The following TRIM2 variants were observed in gnomAD, a reference collection of about 807,000 sequenced individuals.
The protein encoded by TRIM2 is tripartite motif containing 2, also known as tripartite motif-containing protein 2.
TRIM2 carries 20 observed loss-of-function variants against 75.2 expected under a neutral mutation model. The observed-to-expected ratio is 0.27, with a 90% CI of 0.19 to 0.39. The LOEUF is 0.39. Ranked by LOEUF, TRIM2 falls within the 10% of genes least tolerant of loss-of-function variation. The pLI is 1.00. For missense variants in TRIM2, 660 were observed against 990.8 expected (o/e 0.67, Z 4.48); for synonymous variants, 373 against 388.3 (o/e 0.96, Z 0.46).
chr4:153,266,640 C>CTTTT (rs35140648), intron 1 of TRIM2, among the ~76,000 whole-genome samples: 4 of 131,276 alleles, frequency 3.0e-5, no homozygotes, highest in African/African-American at 8.9e-5. Flanking sequence ...TGTGCCCGAC[C>CTTTT]TTTTTTTTTT....
intron 3 of TRIM2, among the ~76,000 whole-genome samples, chr4:153,285,468 T>C (rs1020903704): frequency 6.6e-6 from 1 of 152,206 alleles, no homozygotes; most frequent in Non-Finnish European, 1.5e-5. Context: ...TTCCCAACTA[T>C]GTTATATTCT....
chr4:153,221,190 G>A (rs188992205), intron 1 of TRIM2, among the ~76,000 whole-genome samples: 2 of 152,276 alleles, frequency 1.3e-5, no homozygotes, highest in Admixed American at 6.5e-5. Context: ...CACATGCTAC[G>A]TGGATTCCTG....
intron 1 of TRIM2, among the ~76,000 whole-genome samples, chr4:153,244,501 T>C (rs1028371053): frequency 2.0e-5 from 3 of 146,422 alleles, no homozygotes; most frequent in Non-Finnish European, 1.5e-5. Context: ...GCTCAAGCAA[T>C]CCTCCTGCCT....
chr4:153,193,803 T>C (rs2149665027), intron 1 of TRIM2, among the ~76,000 whole-genome samples: 1 of 152,192 alleles, frequency 6.6e-6, no homozygotes, highest in Middle Eastern at 3.4e-3. Context: ...CACGGAGAGC[T>C]TTCTGGGCAA....
At position 153,336,985 on chromosome 4, in the gene TRIM2, A is replaced by G; in HGVS notation, c.*2019A>G. Reference sequence around the variant, plus strand: ...ATTTAAACATTCATATTTACTGAGTACCTACTAGGTACCAAGTACTCTTTT... The same window carrying G: ...ATTTAAACATTCATATTTACTGAGTGCCTACTAGGTACCAAGTACTCTTTT... On this transcript the variant is annotated 3_prime_UTR_variant, in exon 12 of 12. Coordinates refer to ENST00000338700, the MANE Select transcript of TRIM2 (RefSeq NM_015271.5). 2 of 982,132 alleles carry G rather than the reference A, an allele frequency of 2.0e-6. No individual in the cohort carries two copies. The highest frequency in any genetic ancestry group is 2.4e-6 in the Non-Finnish European group (2 of 826,968). The allele number at this position is 982,132 out of a possible 1,614,324, so 60.8% of individuals were successfully genotyped here.
intron 1 of TRIM2, among the ~76,000 whole-genome samples, chr4:153,219,849 C>G (rs1456213218): frequency 6.6e-6 from 1 of 152,056 alleles, no homozygotes; most frequent in East Asian, 1.9e-4. Context: ...GCTTCGGTGA[C>G]AGAGTCAGAT....
intron 1 of TRIM2, among the ~76,000 whole-genome samples, chr4:153,218,531 T>A (rs1459120842): frequency 2.0e-5 from 3 of 152,234 alleles, no homozygotes; most frequent in Non-Finnish European, 4.4e-5. Flanking sequence ...TATACTTTTA[T>A]GGGTTTTCCA....
intron 1 of TRIM2, among the ~76,000 whole-genome samples, chr4:153,208,152 G>A (rs1309261140): frequency 6.6e-6 from 1 of 152,126 alleles, no homozygotes; most frequent in Non-Finnish European, 1.5e-5. Flanking sequence ...ATAAAAATTA[G>A]CTGGGCATGG....
At chr4:153,276,830 T>C (rs1758141529) in intron 3 of TRIM2, among the ~76,000 whole-genome samples, 1 of 152,212 alleles carries the variant, frequency 6.6e-6, no homozygotes. Context: ...ACTCTCTGCG[T>C]CTCATTTCTT....
intron 1 of TRIM2, among the ~76,000 whole-genome samples, chr4:153,182,787 T>C (rs150413972): frequency 6.6e-6 from 1 of 152,288 alleles, no homozygotes; most frequent in Admixed American, 6.5e-5. Flanking sequence ...CCCTTTTTGT[T>C]CCTTAGTCTC....
intron 3 of TRIM2, among the ~76,000 whole-genome samples, chr4:153,289,464 A>G (rs967620296): frequency 6.6e-6 from 1 of 152,196 alleles, no homozygotes; most frequent in Admixed American, 6.5e-5. Context: ...ATCATTTAAA[A>G]ATATGAATTA....
intron 1 of TRIM2, among the ~76,000 whole-genome samples, chr4:153,192,101 C>A (rs1321391597): frequency 6.6e-6 from 1 of 152,110 alleles, no homozygotes; most frequent in East Asian, 1.9e-4. Context: ...TTAGTGAAAC[C>A]CCAGAGCAAC....
rs141495738 is a variant in TRIM2, at chr4:153,227,280, G to A, written c.30+22720G>A. ...ACCCCAAGACTCTTGTTCAGTGCAC[G>A]GTTCTATTCCTAAAATGTCCTCTCC... On this transcript the variant is annotated intron_variant, in intron 1 of 11. Coordinates refer to ENST00000338700, the MANE Select transcript of TRIM2 (RefSeq NM_015271.5). Among the ~76,000 whole-genome samples the A allele has an allele frequency of 3.5e-3, 537 of 152,274 alleles. 3 individuals are homozygous for A. The highest frequency in any genetic ancestry group is 0.02 in the South Asian group (95 of 4,826).
chr4:153,212,876 G>T (rs192645530), intron 1 of TRIM2, among the ~76,000 whole-genome samples: 61 of 152,238 alleles, frequency 4.0e-4, no homozygotes, highest in African/African-American at 1.2e-3. Flanking sequence ...TCCTTTGCAT[G>T]GTGGTTGTGC....
chr4:153,257,427 C>G, intron 1 of TRIM2: 1 of 1,190,668 alleles, frequency 8.4e-7, no homozygotes, highest in Non-Finnish European at 1.1e-6. Context: ...AAGATCAAGA[C>G]CGATTGGTGT....
chr4:153,332,107 T>C (rs1771603295), intron 11 of TRIM2, among the ~76,000 whole-genome samples: 1 of 152,176 alleles, frequency 6.6e-6, no homozygotes, highest in Non-Finnish European at 1.5e-5. Context: ...TAGGGCTCCA[T>C]GAAGAGTTTT....
At chr4:153,181,713 C>T (rs189803945) in intron 1 of TRIM2, among the ~76,000 whole-genome samples, 11 of 152,300 alleles carry the variant, frequency 7.2e-5, no homozygotes, top group Admixed American at 3.9e-4. Context: ...CGTGTGGACT[C>T]ATCCCAGCAG....
intron 1 of TRIM2, among the ~76,000 whole-genome samples, chr4:153,159,560 C>T (rs1473546546): frequency 6.6e-6 from 1 of 152,058 alleles, no homozygotes; most frequent in Non-Finnish European, 1.5e-5. Context: ...CCAGCTTCAG[C>T]CTCCCAAAGT....
chr4:153,225,275 C>G (rs775644105), intron 1 of TRIM2, among the ~76,000 whole-genome samples: 10 of 152,182 alleles, frequency 6.6e-5, no homozygotes, highest in Non-Finnish European at 1.5e-4. Flanking sequence ...TTGATTTGTA[C>G]AGGTACTAAA....
Sources: allele counts gnomAD v4.1 joint callset (sites outside exome capture counted in the v4.1 genomes callset), GRCh38; gene constraint gnomAD v4.1.1; transcripts MANE v1.5; gene names NCBI Gene and HGNC (gene_info 2026-07-23, HGNC 2026-07-21).